Variants in TPM1 observed in about 807,000 individuals in gnomAD.
TPM1 encodes tropomyosin 1.
In TPM1, 24 loss-of-function variants were observed where a neutral mutation model predicts 42.9. The ratio of observed to expected loss-of-function variants is 0.56; its 90% confidence interval spans 0.41 to 0.79. The LOEUF (loss-of-function observed/expected upper bound fraction) is 0.79, where lower values mean the gene tolerates loss of function less well. TPM1 is among the 30% of genes least tolerant of loss of function. The pLI is 0.00. For missense variants in TPM1, 158 were observed against 351.8 expected (o/e 0.45, Z 4.41); for synonymous variants, 136 against 130.1 (o/e 1.05, Z -0.31).
chr15:63,061,723 G>A lies in TPM1; in HGVS notation c.574G>A (p.Glu192Lys), dbSNP rs199476315. The A allele has an allele frequency of 1.9e-6, 3 of 1,613,884 alleles. No individual in the cohort carries two copies. Among genetic ancestry groups the A allele is most frequent in the Non-Finnish European group, 2.5e-6 (3 of 1,179,956 alleles). The change falls in exon 6 of 10, where the codon GAG becomes AAG. Residue 192 changes from glutamate to lysine, a missense_variant. Physicochemically the swap from Glu to Lys is moderately conservative, Grantham distance 56. Coordinates refer to ENST00000403994, the MANE Select transcript of TPM1 (RefSeq NM_001018005.2). ...RAELSEGKCA[E>K]LEEELKTVTN... ...GATCGAAAACATTAGCAAATGTGCC[G>A]AGCTTGAAGAAGAATTGAAAACTGT...
chr15:63,043,900 CTG>C, intron 1 of TPM1, 125 bp from the exon 2 acceptor site: 1 of 1,552,158 alleles, frequency 6.4e-7, no homozygotes, highest in Non-Finnish European at 8.7e-7. Context: ...CTCTCCCTCC[CTG>C]TCTTTCCCTC....
intron 2 of TPM1, among the ~76,000 whole-genome samples, chr15:63,050,900 AT>A (rs1366443272): frequency 6.6e-6 from 1 of 152,250 alleles, no homozygotes; most frequent in Non-Finnish European, 1.5e-5. Context: ...ACTGCAAAAA[AT>A]ATTTGACCAG....
chr15:63,043,661 C>A (rs1179479620), intron 1 of TPM1: 8 of 1,537,172 alleles, frequency 5.2e-6, no homozygotes, highest in Non-Finnish European at 7.0e-6. Context: ...GTGTCTAACA[C>A]CCGGTCCGTG....
At chr15:63,062,857 T>C in intron 8 of TPM1, 1 of 1,523,226 alleles carries the variant, frequency 6.6e-7, no homozygotes, top group Non-Finnish European at 8.8e-7. Context: ...CCAGCCATAG[T>C]GGCAAATGCC....
At chr15:63,063,771 T>G in intron 8 of TPM1, 1 of 347,358 alleles carries the variant, frequency 2.9e-6, no homozygotes, top group Non-Finnish European at 5.3e-6. Flanking sequence ...TGTGGTTTCG[T>G]TTACAATTTA....
intron 2 of TPM1, chr15:63,055,659 G>A (rs565424410): frequency 6.6e-6 from 1 of 152,202 alleles, no homozygotes; most frequent in South Asian, 2.1e-4. Flanking sequence ...TATTACCATG[G>A]GTCCCTAAGT....
chr15:63,051,893 GT>G (rs5813189), intron 2 of TPM1, among the ~76,000 whole-genome samples: 82,313 of 97,038 alleles, frequency 0.85, 34,073 homozygotes, highest in Admixed American at 0.89. Flanking sequence ...CATAAAAGTT[GT>G]TTTTTTTTTT....
downstream of TPM1, chr15:63,066,187 A>G: frequency 2.1e-6 from 3 of 1,412,346 alleles, no homozygotes. Context: ...TATGAGGGTT[A>G]GTGTTTGGCT....
At chr15:63,065,824 G>A in intron 9 of TPM1, 72 bp from the exon 10 acceptor site, 1 of 1,521,092 alleles carries the variant, frequency 6.6e-7, no homozygotes, top group Non-Finnish European at 8.9e-7. Context: ...TATTGGTTTG[G>A]TTTCCTTTCT....
Position 63,071,432 on chromosome 15 carries a change from C to T in TPM1, c.*260C>T, listed in dbSNP as rs1050255. 57,483 of 426,478 alleles carry T rather than the reference C, an allele frequency of 0.13. 4,511 individuals carry two copies. Among genetic ancestry groups the T allele is most frequent in the Admixed American group, 0.27 (7,811 of 28,416 alleles). 26.4% of individuals were successfully genotyped at this position (426,478 alleles called of 1,614,324 possible). On this transcript the variant is annotated 3_prime_UTR_variant, in exon 9 of 9. Transcript: ENST00000267996. ...TTAGCAACACAGTGTGCTTAGTCAG[C>T]GTAGGAATCCTCACTAAAGCAGAAG...
downstream of TPM1, chr15:63,070,221 TA>T (rs1459735773): frequency 7.4e-6 from 9 of 1,217,152 alleles, no homozygotes; most frequent in Non-Finnish European, 9.3e-6. Context: ...TTTGAACTGA[TA>T]AATAATGAGG....
chr15:63,061,935 CT>C, intron 6 of TPM1, 147 bp downstream of exon 6: 17 of 763,608 alleles, frequency 2.2e-5, no homozygotes, highest in South Asian at 6.5e-5. Flanking sequence ...ATAACAAATT[CT>C]TTTTTTTAAC....
intron 2 of TPM1, among the ~76,000 whole-genome samples, chr15:63,054,903 G>A (rs2034529165): frequency 6.6e-6 from 1 of 151,646 alleles, no homozygotes; most frequent in East Asian, 1.9e-4. Flanking sequence ...CTTCCGCTTT[G>A]AGTCTCCCCC....
chr15:63,062,419 C>CT (rs2035761696), intron 7 of TPM1, 142 bp downstream of exon 7: 1 of 1,229,288 alleles, frequency 8.1e-7, no homozygotes. Context: ...ATGTACTGTG[C>CT]TAACTGCCAT....
intron 9 of TPM1, chr15:63,065,693 G>C (rs980262286): frequency 2.1e-6 from 2 of 971,934 alleles, no homozygotes; most frequent in African/African-American, 3.5e-5. Flanking sequence ...TCTTAAAATG[G>C]ACCCTTGCCG....
At chr15:63,049,064 A>G (rs1356806269) in intron 2 of TPM1, 1 of 288,568 alleles carries the variant, frequency 3.5e-6, no homozygotes, top group Non-Finnish European at 6.8e-6. Context: ...GGCTTGCTTT[A>G]CTCTGAGAGT....
chr15:63,059,932 C>G, intron 4 of TPM1: 1 of 369,238 alleles, frequency 2.7e-6, no homozygotes, highest in South Asian at 2.1e-5. Flanking sequence ...CCCCCAGCCA[C>G]AAAGACCCGG....
At position 63,051,569 on chromosome 15, in the gene TPM1, A is replaced by AG. The variant is rs1280638658; in HGVS notation, c.241-5413dup. On this transcript the variant is annotated intron_variant, in intron 2 of 9. Coordinates refer to ENST00000403994, the MANE Select transcript of TPM1 (RefSeq NM_001018005.2). The stretch of plus-strand genomic sequence containing the variant: ...TTTTCCCCCCTTTCCTTACCATATA[A>AG]GGGCAGAAGTTTAGCTTGGCTGTGG... Among the ~76,000 whole-genome samples, 3 of 152,072 alleles carry AG rather than the reference A, an allele frequency of 2.0e-5. No homozygotes were observed. In the East Asian group the frequency reaches 5.8e-4, roughly 29 times the overall value.
downstream of TPM1, chr15:63,070,158 G>T: frequency 7.2e-7 from 1 of 1,392,110 alleles, no homozygotes; most frequent in South Asian, 1.5e-5. Context: ...AGCTTTTATG[G>T]TAGAATACTT....
Sources: allele counts gnomAD v4.1 joint callset (sites outside exome capture counted in the v4.1 genomes callset), GRCh38; gene constraint gnomAD v4.1.1; transcripts MANE v1.5; gene names NCBI Gene and HGNC (gene_info 2026-07-23, HGNC 2026-07-21).